Variants in USP24 observed in about 807,000 individuals in gnomAD.
USP24 encodes the protein ubiquitin carboxyl-terminal hydrolase 24.
A neutral mutation model predicts 361.6 loss-of-function variants in USP24; 97 were observed. The observed-to-expected ratio is 0.27, with a 90% CI of 0.23 to 0.32. The LOEUF is 0.32. USP24 is among the 10% of genes least tolerant of loss of function. USP24 has a pLI of 1.00. For missense variants in USP24, 2,353 were observed against 3,165.6 expected (o/e 0.74, Z 6.16); for synonymous variants, 1,098 against 1,124.6 (o/e 0.98, Z 0.47).
intron 16 of USP24, among the ~76,000 whole-genome samples, chr1:55,150,078 T>C (rs1310536160): frequency 6.6e-6 from 1 of 152,206 alleles, no homozygotes; most frequent in East Asian, 1.9e-4. Flanking sequence ...GGTGTTTAAC[T>C]TGTAGTGTAC....
chr1:55,076,674 A>G (rs1645036872), intron 62 of USP24, among the ~76,000 whole-genome samples: 1 of 152,096 alleles, frequency 6.6e-6, no homozygotes, highest in Non-Finnish European at 1.5e-5. Context: ...CTAGTTCCCA[A>G]TCTTGCATCC....
At chr1:55,175,107 C>A (rs929429181) in intron 3 of USP24, among the ~76,000 whole-genome samples, 1 of 150,310 alleles carries the variant, frequency 6.7e-6, no homozygotes, top group African/African-American at 2.4e-5. Context: ...ACTTTTGCTT[C>A]TAAAATTAAT....
At position 55,113,038 on chromosome 1, in the gene USP24, T is replaced by C. The variant is rs540568421; in HGVS notation, c.4509-2792A>G. On this transcript the variant is annotated intron_variant, in intron 38 of 67. Coordinates refer to ENST00000294383, the MANE Select transcript of USP24 (RefSeq NM_015306.3). ...GTGTAATGCCCTTCTTTGTCTTTTT[T>C]TGACCTTTGTTGGTTTAAAGTCTGT... Among the ~76,000 whole-genome samples the C allele has an allele frequency of 2.6e-5, 4 of 152,358 alleles. No homozygotes were observed. In the South Asian group the frequency reaches 8.3e-4, roughly 32 times the overall value.
In USP24 at chr1:55,207,697, T is replaced by C. The variant is rs114179762; in HGVS notation, c.324+7093A>G. On this transcript the variant is annotated intron_variant, in intron 1 of 67. Coordinates refer to ENST00000294383, the MANE Select transcript of USP24 (RefSeq NM_015306.3). ...GATGGAAACACTAGGGACTTGAGCA[T>C]GGTGGGGTGGTATCCTGGAACCAGC... Among the ~76,000 whole-genome samples the C allele has an allele frequency of 4.5e-3, 680 of 152,334 alleles. 2 individuals are homozygous for C. The highest frequency in any genetic ancestry group is 0.016 in the African/African-American group (660 of 41,570).
In USP24 at chr1:55,139,030, A is replaced by G. The variant is rs1277008625; in HGVS notation, c.2751-20T>C. ...GTAGATCTATAGATTAAAAAAAAAA[A>G]GTATTAAAATGTATTTGAAGTGTGA... On this transcript the variant is annotated intron_variant, in intron 24 of 67. Coordinates refer to ENST00000294383, the MANE Select transcript of USP24 (RefSeq NM_015306.3). The G allele has an allele frequency of 6.4e-7, 1 of 1,552,630 alleles. No individual in the cohort carries two copies. The highest frequency in any genetic ancestry group is 1.2e-5 in the South Asian group (1 of 85,984).
intron 42 of USP24, among the ~76,000 whole-genome samples, chr1:55,102,824 T>A (rs1645671776): frequency 6.6e-6 from 1 of 152,232 alleles, no homozygotes; most frequent in Admixed American, 6.5e-5. Flanking sequence ...ATTAAATAAA[T>A]GCATCTAAAG....
In USP24 at chr1:55,096,609, C is replaced by T. The variant is rs1434044468; in HGVS notation, c.5950G>A (p.Gly1984Arg). Residue 1984 changes from glycine (G) to arginine (R), a missense_variant, in exon 50 of 68, where the codon GGA becomes AGA. By Grantham distance (125) the Gly-to-Arg change is moderately radical. This residue lies in a region of USP24 where 598 missense variants were observed against 761.9 expected (regional missense o/e 0.78). Transcript: ENST00000294383. Reference sequence around the variant, plus strand: ...GTGTCATTAAATTTATACCACTTTCCTTTTCCACACCCTCTAGAACCCAGA... The same window carrying T: ...GTGTCATTAAATTTATACCACTTTCTTTTTCCACACCCTCTAGAACCCAGA... Reference protein sequence around the residue: ...FIKDRRGCGKGKWYKFNDTVI... With the variant: ...FIKDRRGCGKRKWYKFNDTVI... 1 of 1,609,860 alleles carries T rather than the reference C, an allele frequency of 6.2e-7. No homozygotes were observed. The highest frequency in any genetic ancestry group is 8.5e-7 in the Non-Finnish European group (1 of 1,178,772).
At chr1:55,183,652 T>A (rs1644040756) in intron 1 of USP24, among the ~76,000 whole-genome samples, 1 of 152,134 alleles carries the variant, frequency 6.6e-6, no homozygotes, top group African/African-American at 2.4e-5. Flanking sequence ...CAAATGTAAA[T>A]CCTGTCTTAC....
chr1:55,069,503 T>C (rs1644876389), intron 67 of USP24, among the ~76,000 whole-genome samples: 1 of 152,216 alleles, frequency 6.6e-6, no homozygotes, highest in African/African-American at 2.4e-5. Context: ...GTCTGAAGGC[T>C]ACCTCTGTTA....
intron 1 of USP24, among the ~76,000 whole-genome samples, chr1:55,206,520 C>T (rs2270690): frequency 0.047 from 7,187 of 152,086 alleles, 207 homozygotes; most frequent in African/African-American, 0.071. Flanking sequence ...GTCTGGAGAC[C>T]TTGAAAGAAA....
At position 55,113,199 on chromosome 1, in the gene USP24, C is replaced by T. The variant is rs997244102; in HGVS notation, c.4509-2953G>A. Among the ~76,000 whole-genome samples the T allele has an allele frequency of 3.9e-5, 6 of 152,112 alleles. No homozygotes were observed. In the South Asian group the frequency reaches 1.2e-3, roughly 32 times the overall value. ...ATAGAATAAAAAATGATAAAGAATA[C>T]ATCACCACTGATCCCACAGAAACAA... On this transcript the variant is annotated intron_variant, in intron 38 of 67. Coordinates refer to ENST00000294383, the MANE Select transcript of USP24 (RefSeq NM_015306.3).
chr1:55,073,682 A>G, intron 64 of USP24, 146 bp downstream of exon 64: 1 of 715,452 alleles, frequency 1.4e-6, no homozygotes, highest in Non-Finnish European at 2.4e-6. Flanking sequence ...AGATCATGCA[A>G]ATAGGTTTCT....
chr1:55,214,721 G>T (rs1022240767), intron 1 of USP24, 69 bp downstream of exon 1: 4 of 1,109,982 alleles, frequency 3.6e-6, no homozygotes, highest in Non-Finnish European at 2.2e-6. Context: ...AAGCCCAGCG[G>T]GGTGTGTCCC....
chr1:55,174,362 T>G (rs1308685404), intron 3 of USP24, among the ~76,000 whole-genome samples: 3 of 152,160 alleles, frequency 2.0e-5, no homozygotes, highest in Admixed American at 6.5e-5. Flanking sequence ...GAACTCTAGC[T>G]CTTCTGATTT....
rs1253829036 is a variant in USP24 at position 55,137,632 on chromosome 1, T to C, written c.3084A>G (p.Gln1028=). The C allele has an allele frequency of 1.9e-6, 3 of 1,613,200 alleles. No homozygotes were observed. Among genetic ancestry groups the C allele is most frequent in the Middle Eastern group, 1.6e-4 (1 of 6,084 alleles). ...TGCCAGAAGTCTTCACTGTAAGGAT[T>C]TGTTCATCAGAAAAGCCCAGTTGGT... ...LLHQLGFSDE[Q]ILTVKTSGSG... The change falls in exon 28 of 68, where the codon CAA becomes CAG. Residue 1028 remains glutamine, a synonymous_variant. Coordinates refer to ENST00000294383, the MANE Select transcript of USP24 (RefSeq NM_015306.3).
At chr1:55,173,134 G>C (rs571291399) in intron 3 of USP24, among the ~76,000 whole-genome samples, 25 of 151,832 alleles carry the variant, frequency 1.6e-4, no homozygotes, top group Non-Finnish European at 2.9e-4. Context: ...TCAGAAATAG[G>C]ATAATTTTTT....
intron 38 of USP24, among the ~76,000 whole-genome samples, chr1:55,116,723 A>G (rs184530336): frequency 1.3e-5 from 2 of 152,190 alleles, no homozygotes; most frequent in African/African-American, 4.8e-5. Context: ...AACTCCCAAC[A>G]AAGAAAAGCC....
intron 58 of USP24, among the ~76,000 whole-genome samples, chr1:55,082,103 C>G (rs143960814): frequency 6.6e-6 from 1 of 152,242 alleles, no homozygotes; most frequent in African/African-American, 2.4e-5. Flanking sequence ...GAGAGGAAGC[C>G]TAAGTCGAAA....
chr1:55,201,526 G>A (rs535653404), intron 1 of USP24, among the ~76,000 whole-genome samples: 2 of 143,092 alleles, frequency 1.4e-5, no homozygotes, highest in South Asian at 2.3e-4. Context: ...GCCTGAACCC[G>A]GAAGGCAGAG....
Sources: gnomAD v4.1 joint callset for allele counts (sites outside exome capture counted in the v4.1 genomes callset) on GRCh38, gnomAD v4.1.1 for gene constraint, gnomAD v4.1.1 regional missense constraint, MANE v1.5 for transcripts, NCBI Gene and HGNC (gene_info 2026-07-23, HGNC 2026-07-21) for gene names.